Variants in ADAMTS6 observed in about 807,000 individuals in gnomAD.
The protein encoded by ADAMTS6 is ADAM metallopeptidase with thrombospondin type 1 motif 6.
A neutral mutation model predicts 144.3 loss-of-function variants in ADAMTS6; 23 were observed. The ratio of observed to expected loss-of-function variants is 0.16; its 90% CI spans 0.11 to 0.23. The LOEUF is 0.23. ADAMTS6 is among the 10% of genes least tolerant of loss of function. The pLI is 1.00. For synonymous variants in ADAMTS6, 444 were observed against 457.5 expected (o/e 0.97, Z 0.38); for missense variants, 999 against 1,379.6 (o/e 0.72, Z 4.37).
intron 6 of ADAMTS6, 151 bp from the exon 7 acceptor site, chr5:65,451,771 G>A: frequency 1.1e-6 from 1 of 886,462 alleles, no homozygotes; most frequent in Non-Finnish European, 1.7e-6. Flanking sequence ...ATCTGACCTA[G>A]AGCTCATTTG....
At chr5:65,170,837 T>G (rs542049598) in intron 23 of ADAMTS6, 64 bp from the exon 24 acceptor site, 1 of 1,525,776 alleles carries the variant, frequency 6.6e-7, no homozygotes, top group African/African-American at 1.4e-5. Flanking sequence ...GTAAAAAATA[T>G]ACTATGTCAT....
intron 15 of ADAMTS6, among the ~76,000 whole-genome samples, chr5:65,238,292 A>G (rs1422433993): frequency 6.6e-6 from 1 of 152,178 alleles, no homozygotes; most frequent in Non-Finnish European, 1.5e-5. Flanking sequence ...GTTTAACAAA[A>G]AAATTCTGAG....
chr5:65,288,348 T>C (rs1741917912), intron 11 of ADAMTS6, among the ~76,000 whole-genome samples: 1 of 150,104 alleles, frequency 6.7e-6, no homozygotes, highest in African/African-American at 2.5e-5. Context: ...GGAGTCTCCC[T>C]CTGTAGCCCA....
chr5:65,332,287 G>GTATATATATATA (rs367547551), intron 8 of ADAMTS6, among the ~76,000 whole-genome samples: 2 of 117,980 alleles, frequency 1.7e-5, no homozygotes, highest in Non-Finnish European at 3.5e-5. Context: ...GACAGTGAGG[G>GTATATATATATA]TATATATATA....
intron 9 of ADAMTS6, among the ~76,000 whole-genome samples, chr5:65,324,134 T>C (rs1745934397): frequency 1.3e-5 from 2 of 152,338 alleles, no homozygotes; most frequent in South Asian, 4.1e-4. Flanking sequence ...TATATCCCAA[T>C]TGTCAATTTT....
At chr5:65,271,376 TA>T (rs771448447) in intron 12 of ADAMTS6, among the ~76,000 whole-genome samples, 45,872 of 116,254 alleles carry the variant, frequency 0.39, 8,154 homozygotes, top group African/African-American at 0.45. Context: ...ATACTCCGTC[TA>T]AAAAAAAAAA....
At chr5:65,162,042 G>A (rs1425152821) in intron 24 of ADAMTS6, among the ~76,000 whole-genome samples, 1 of 152,182 alleles carries the variant, frequency 6.6e-6, no homozygotes, top group Non-Finnish European at 1.5e-5. Flanking sequence ...AAATAACCAT[G>A]AGGTGTTTCT....
intron 7 of ADAMTS6, among the ~76,000 whole-genome samples, chr5:65,400,921 T>C (rs1753864308): frequency 6.6e-6 from 1 of 152,238 alleles, no homozygotes; most frequent in Non-Finnish European, 1.5e-5. Flanking sequence ...AATTTCCATC[T>C]TTCTGCTTAC....
chr5:65,181,252 C>G (rs748723285), intron 22 of ADAMTS6, among the ~76,000 whole-genome samples: 16 of 152,142 alleles, frequency 1.1e-4, no homozygotes, highest in Non-Finnish European at 2.1e-4. Flanking sequence ...GAATAAAGAC[C>G]TAATCCAAGT....
chr5:65,192,295 C>T lies in ADAMTS6; in HGVS notation c.2706-4075G>A, dbSNP rs75679909. ...CTGTAGTTATTTTTGTATATATTTG[C>T]CCAATTAGATTACCCTCAGGAAAGA... On this transcript the variant is annotated intron_variant, in intron 21 of 24. Transcript: ENST00000381055. Among the ~76,000 whole-genome samples the T allele has an allele frequency of 2.6e-5, 4 of 152,068 alleles. No homozygotes were observed. In the East Asian group the frequency reaches 7.7e-4, roughly 29 times the overall value.
chr5:65,461,609 CTGGAAAAA>C (rs1759647315), intron 3 of ADAMTS6, among the ~76,000 whole-genome samples: 1 of 152,098 alleles, frequency 6.6e-6, no homozygotes, highest in African/African-American at 2.4e-5. Context: ...ATTTCCTCAG[CTGGAAAAA>C]TGAAAGAGTT....
At position 65,214,199 on chromosome 5, in the gene ADAMTS6, C is replaced by T. The variant is rs2112326507; in HGVS notation, c.2575+595G>A. 1 of 177,348 alleles carries T rather than the reference C, an allele frequency of 5.6e-6. No homozygotes were observed. Among genetic ancestry groups the T allele is most frequent in the Middle Eastern group, 5.1e-4 (1 of 1,944 alleles). The allele number at this position is 177,348 out of a possible 1,614,324, so 11.0% of individuals were successfully genotyped here. ...CCCATGAAAAACGCACATGGGACAA[C>T]CAACACATCACCAACCACCGCCTAG... On this transcript the variant is annotated intron_variant, in intron 20 of 24. Coordinates refer to ENST00000381055, the MANE Select transcript of ADAMTS6 (RefSeq NM_197941.4). The surrounding 1 kb of genome is among the most constrained non-coding windows in gnomAD (Gnocchi z 4.6).
chr5:65,430,965 T>A (rs535805444), intron 7 of ADAMTS6, among the ~76,000 whole-genome samples: 1 of 152,320 alleles, frequency 6.6e-6, no homozygotes, highest in East Asian at 1.9e-4. Flanking sequence ...TACTTATTCA[T>A]AATCAAGTTT....
At chr5:65,282,546 C>G (rs75565939) in intron 11 of ADAMTS6, among the ~76,000 whole-genome samples, 2 of 152,168 alleles carry the variant, frequency 1.3e-5, no homozygotes, top group East Asian at 3.9e-4. Flanking sequence ...CAGAATGTGT[C>G]TTCTCCCTAC....
chr5:65,178,797 T>C (rs1428885471), intron 22 of ADAMTS6, among the ~76,000 whole-genome samples: 1 of 152,172 alleles, frequency 6.6e-6, no homozygotes. Context: ...AAATGCCAGA[T>C]TAACCAAGTA....
At chr5:65,378,359 T>A (rs866867784) in intron 7 of ADAMTS6, among the ~76,000 whole-genome samples, 4 of 152,198 alleles carry the variant, frequency 2.6e-5, no homozygotes, top group Non-Finnish European at 4.4e-5. Context: ...CAACCATCAA[T>A]GCCTATCAGT....
intron 3 of ADAMTS6, among the ~76,000 whole-genome samples, chr5:65,468,518 A>G (rs547540171): frequency 2.6e-4 from 40 of 152,254 alleles, no homozygotes; most frequent in South Asian, 2.3e-3. Flanking sequence ...AGTGTGAAAC[A>G]TCTGCTCACA....
chr5:65,153,349 A>C (rs1008042087), intron 24 of ADAMTS6, among the ~76,000 whole-genome samples: 8 of 152,238 alleles, frequency 5.3e-5, no homozygotes, highest in African/African-American at 1.9e-4. Flanking sequence ...CAGGATTCTC[A>C]GTAAATTTAA....
chr5:65,257,523 C>A (rs1489817499), intron 14 of ADAMTS6, among the ~76,000 whole-genome samples: 1 of 152,162 alleles, frequency 6.6e-6, no homozygotes, highest in Non-Finnish European at 1.5e-5. Context: ...CATGGCTCAG[C>A]ACTTCAATCA....
Sources: gnomAD v4.1 joint callset for allele counts (sites outside exome capture counted in the v4.1 genomes callset) on GRCh38, gnomAD v4.1.1 for gene constraint, Gnocchi (gnomAD v3.1) non-coding constraint, MANE v1.5 for transcripts, NCBI Gene and HGNC (gene_info 2026-07-23, HGNC 2026-07-21) for gene names.